ITGAV: variants seen among roughly 807,000 people sequenced by gnomAD.
ITGAV encodes the protein integrin subunit alpha V.
In ITGAV, 76 loss-of-function variants were observed where a neutral mutation model predicts 143.8. That is an observed-to-expected ratio of 0.53 (90% CI 0.44 to 0.64). ITGAV has a LOEUF of 0.64. Ranked by LOEUF, ITGAV falls within the 30% of genes least tolerant of loss-of-function variation. The pLI is 0.00. For synonymous variants in ITGAV, 453 were observed against 446.7 expected, an observed-to-expected ratio of 1.01 and a Z score of -0.18; for missense variants, 1,193 against 1,274.7, an observed-to-expected ratio of 0.94 and a Z score of 0.98.
At chr2:186,616,569 C>T (rs867814182) in intron 2 of ITGAV, among the ~76,000 whole-genome samples, 3 of 152,082 alleles carry the variant, frequency 2.0e-5, no homozygotes, top group Non-Finnish European at 2.9e-5. Flanking sequence ...CGAGCCACCG[C>T]GCCCGGCCGA....
chr2:186,659,516 T>A (rs1688683482), intron 18 of ITGAV, among the ~76,000 whole-genome samples: 1 of 151,994 alleles, frequency 6.6e-6, no homozygotes. Context: ...ATCTGTTATT[T>A]TTGATATTTT....
intron 18 of ITGAV, among the ~76,000 whole-genome samples, chr2:186,659,569 A>C (rs1223380560): frequency 2.0e-5 from 3 of 151,974 alleles, no homozygotes; most frequent in Non-Finnish European, 4.4e-5. Flanking sequence ...AATTCTTTTC[A>C]GAAAACCAAA....
chr2:186,626,981 GA>G (rs1328913504), intron 4 of ITGAV, among the ~76,000 whole-genome samples: 3 of 152,142 alleles, frequency 2.0e-5, no homozygotes, highest in Non-Finnish European at 4.4e-5. Flanking sequence ...TAGCTACGAA[GA>G]ATGAGTTAAC....
At position 186,677,227 on chromosome 2, in the gene ITGAV, C is replaced by G. The variant is rs770219291; in HGVS notation, c.3082C>G (p.Gln1028Glu). The stretch of plus-strand genomic sequence containing the variant: ...CTTTTTTAAACGGGTCCGGCCACCT[C>G]AAGAAGAACAAGAAAGGGAGCAGCT... The part of the protein sequence containing the change: ...MGFFKRVRPP[Q>E]EEQEREQLQP... Residue 1028 changes from glutamine to glutamate, a missense_variant, in exon 30 of 30, where the codon CAA becomes GAA. Transcript: ENST00000261023. 1 of 1,613,698 alleles carries G rather than the reference C, an allele frequency of 6.2e-7. No homozygotes were observed. The highest frequency in any genetic ancestry group is 2.2e-5 in the East Asian group (1 of 44,846).
intron 17 of ITGAV, among the ~76,000 whole-genome samples, chr2:186,657,379 A>C (rs1688620561): frequency 6.6e-6 from 1 of 152,222 alleles, no homozygotes; most frequent in South Asian, 2.1e-4. Context: ...AGTCTAAACA[A>C]ATTTCAAAAA....
At chr2:186,647,253 T>TA (rs397986950) in intron 13 of ITGAV, among the ~76,000 whole-genome samples, 2 of 151,778 alleles carry the variant, frequency 1.3e-5, no homozygotes, top group Non-Finnish European at 2.9e-5. Flanking sequence ...TTTTTTTTTT[T>TA]AAGACAAGGT....
At chr2:186,671,751 T>C (rs1362102230) in intron 26 of ITGAV, among the ~76,000 whole-genome samples, 1 of 152,102 alleles carries the variant, frequency 6.6e-6, no homozygotes, top group Non-Finnish European at 1.5e-5. Flanking sequence ...CAAAAAGAAA[T>C]GCTGTACCCA....
chr2:186,619,346 A>G (rs1056818162), intron 2 of ITGAV, among the ~76,000 whole-genome samples: 2 of 152,098 alleles, frequency 1.3e-5, no homozygotes, highest in Non-Finnish European at 2.9e-5. Flanking sequence ...GGTGGAAGCT[A>G]AGAAAAAGTT....
intron 1 of ITGAV, among the ~76,000 whole-genome samples, chr2:186,594,511 C>T (rs1686695356): frequency 6.6e-6 from 1 of 152,184 alleles, no homozygotes. Context: ...GTCAGTGGCA[C>T]TCAGGTCCTC....
intron 6 of ITGAV, among the ~76,000 whole-genome samples, chr2:186,634,807 A>G (rs1362206964): frequency 6.6e-6 from 1 of 152,112 alleles, no homozygotes; most frequent in African/African-American, 2.4e-5. Flanking sequence ...TTATAGTTAG[A>G]TATAGAAATA....
At chr2:186,629,434 C>T (rs573383394) in intron 4 of ITGAV, among the ~76,000 whole-genome samples, 1 of 151,952 alleles carries the variant, frequency 6.6e-6, no homozygotes, top group Non-Finnish European at 1.5e-5. Flanking sequence ...AGCCGACTTG[C>T]TCTAACTTGA....
rs1457087936 is a variant in ITGAV, at chr2:186,677,130, AC to A, written c.3052-64del. The stretch of plus-strand genomic sequence containing the variant: ...AAATGTTCTTAGTGGTAATATAGTC[AC>A]CCAAAAAATACTTTTCGTATTCTAC... On this transcript the variant is annotated intron_variant, in intron 29 of 29. Coordinates refer to ENST00000261023, the MANE Select transcript of ITGAV (RefSeq NM_002210.5). The A allele has an allele frequency of 9.2e-6, 13 of 1,416,908 alleles. No homozygotes were observed. The Admixed American group carries it at 2.4e-4, about 26-fold the overall frequency. The allele number at this position is 1,416,908 out of a possible 1,614,324, so 87.8% of individuals were successfully genotyped here.
In ITGAV at chr2:186,656,228, A is replaced by T; in HGVS notation, c.1565-19A>T. ...GTCCATAAAGAATATGTTGGTTATA[A>T]ATCCTTTGGTTTACATAGATTTCCA... On this transcript the variant is annotated intron_variant, in intron 16 of 29. Transcript: ENST00000261023. 3 of 1,567,562 alleles carry T rather than the reference A, an allele frequency of 1.9e-6. No homozygotes were observed. Among genetic ancestry groups the T allele is most frequent in the Middle Eastern group, 1.7e-4 (1 of 5,940 alleles).
At chr2:186,645,648 C>T (rs971015520) in intron 12 of ITGAV, among the ~76,000 whole-genome samples, 2 of 152,006 alleles carry the variant, frequency 1.3e-5, no homozygotes, top group Admixed American at 1.3e-4. Flanking sequence ...AAGTTACAGG[C>T]AAGAGTAGAA....
intron 14 of ITGAV, among the ~76,000 whole-genome samples, chr2:186,651,481 AATTT>A (rs1688428381): frequency 6.6e-6 from 1 of 152,198 alleles, no homozygotes; most frequent in African/African-American, 2.4e-5. Flanking sequence ...ACCAGCTAAT[AATTT>A]ATTTGTTTCT....
At chr2:186,601,470 A>C (rs1163854740) in intron 1 of ITGAV, among the ~76,000 whole-genome samples, 1 of 152,018 alleles carries the variant, frequency 6.6e-6, no homozygotes, top group East Asian at 1.9e-4. Context: ...TTAAAAAAAA[A>C]AAATAGAATA....
chr2:186,627,130 A>C (rs1687696809), intron 4 of ITGAV, among the ~76,000 whole-genome samples: 1 of 152,124 alleles, frequency 6.6e-6, no homozygotes. Context: ...CATGGGGTTG[A>C]GAGTGGGGAT....
At chr2:186,652,574 A>G (rs1305987889) in intron 15 of ITGAV, among the ~76,000 whole-genome samples, 1 of 152,228 alleles carries the variant, frequency 6.6e-6, no homozygotes, top group African/African-American at 2.4e-5. Context: ...AAGATACTCT[A>G]TAAATTAGTA....
chr2:186,599,639 G>A (rs373348990), intron 1 of ITGAV, among the ~76,000 whole-genome samples: 3 of 152,196 alleles, frequency 2.0e-5, no homozygotes, highest in African/African-American at 7.2e-5. Context: ...CCCAAAGTTG[G>A]GACCACAGGC....
Sources: allele counts gnomAD v4.1 joint callset (sites outside exome capture counted in the v4.1 genomes callset), GRCh38; gene constraint gnomAD v4.1.1; transcripts MANE v1.5; gene names NCBI Gene and HGNC (gene_info 2026-07-23, HGNC 2026-07-21).